Variants in CDK12 observed in about 807,000 individuals in gnomAD.
The protein encoded by CDK12 is cyclin-dependent kinase 12.
A neutral mutation model predicts 133.8 loss-of-function variants in CDK12; 17 were observed. The ratio of observed to expected loss-of-function variants is 0.13; its 90% CI spans 0.09 to 0.19. The LOEUF (loss-of-function observed/expected upper bound fraction) is 0.19. CDK12 is among the 10% of genes least tolerant of loss of function. The pLI is 1.00. For synonymous variants in CDK12, 694 were observed against 683.6 expected (o/e 1.02, Z -0.24); for missense variants, 1,508 against 1,818.7 (o/e 0.83, Z 3.11).
intron 3 of CDK12, 66 bp downstream of exon 3, chr17:39,490,799 A>G (rs1046810194): frequency 1.6e-6 from 2 of 1,251,542 alleles, no homozygotes; most frequent in Non-Finnish European, 2.2e-6. Context: ...TAAATCTCTC[A>G]TGTTTCTTCT....
In CDK12 at chr17:39,517,572, A is replaced by G. The variant is rs1303162475; in HGVS notation, c.2963+16A>G. ...AATTCTCTTTGTGAGTTTGGGGAAA[A>G]TGAACATCTCGTTTCTGTGTCTGGC... On this transcript the variant is annotated intron_variant, in intron 10 of 13. Coordinates refer to ENST00000447079, the MANE Select transcript of CDK12 (RefSeq NM_016507.4). 6.9e-7 allele frequency: 1 copy of G among 1,446,478 alleles called. No homozygotes were observed. Among genetic ancestry groups the G allele is most frequent in the Non-Finnish European group, 9.7e-7 (1 of 1,027,384 alleles). 89.6% of individuals were successfully genotyped at this position (1,446,478 alleles called of 1,614,324 possible).
chr17:39,566,644 A>C (rs1226296941), downstream of CDK12, among the ~76,000 whole-genome samples: 1 of 152,116 alleles, frequency 6.6e-6, no homozygotes, highest in Admixed American at 6.5e-5. Flanking sequence ...TCTGCGATGG[A>C]AAAAGCTCTG....
chr17:39,482,599 A>ATTTTTTTTTTCTT (rs2050802116), intron 2 of CDK12, among the ~76,000 whole-genome samples: 1 of 74,392 alleles, frequency 1.3e-5, no homozygotes, highest in African/African-American at 4.3e-5. Flanking sequence ...AATCAACTAC[A>ATTTTTTTTTTCTT]TTTTTTTTTT....
At position 39,551,512 on chromosome 17, in the gene CDK12, A is replaced by G. The variant is rs150849037; in HGVS notation, n.356+370A>G. Among the ~76,000 whole-genome samples, 5 of 152,208 alleles carry G rather than the reference A, an allele frequency of 3.3e-5. No individual in the cohort carries two copies. The East Asian group carries it at 5.8e-4, about 18-fold the overall frequency. ...GCTTTTTTTTTTGAAATCTTACCAC[A>G]TATTTCCCTGCTGCAATATAATAAG... On this transcript the variant is annotated intron_variant and non_coding_transcript_variant, in intron 2 of 3. Transcript: ENST00000558240.
chr17:39,463,493 A>G (rs936637672), intron 1 of CDK12, among the ~76,000 whole-genome samples: 7 of 151,954 alleles, frequency 4.6e-5, no homozygotes, highest in Non-Finnish European at 1.0e-4. Context: ...TGTGCTTTAG[A>G]CTCTATGGGA....
At chr17:39,565,840 G>A (rs1233777634), downstream of CDK12, among the ~76,000 whole-genome samples, 1 of 152,184 alleles carries the variant, frequency 6.6e-6, no homozygotes, top group Non-Finnish European at 1.5e-5. Flanking sequence ...GTCCCCCAAG[G>A]TCTGGGTACT....
At chr17:39,512,163 C>T (rs1283978006) in intron 8 of CDK12, among the ~76,000 whole-genome samples, 4 of 152,048 alleles carry the variant, frequency 2.6e-5, no homozygotes, top group Non-Finnish European at 5.9e-5. Context: ...GATCATAGCA[C>T]GCTATATCCT....
intron 2 of CDK12, among the ~76,000 whole-genome samples, chr17:39,485,154 G>A (rs1278343404): frequency 6.7e-5 from 10 of 148,660 alleles, no homozygotes; most frequent in Non-Finnish European, 1.2e-4. Flanking sequence ...TGGGCGACAG[G>A]GCGAGACTCT....
downstream of CDK12, among the ~76,000 whole-genome samples, chr17:39,566,586 C>G (rs1168954697): frequency 6.6e-6 from 1 of 152,214 alleles, no homozygotes; most frequent in African/African-American, 2.4e-5. Context: ...TACCCCCCTT[C>G]TCTGCACCTC....
At chr17:39,464,909 A>G (rs1435092317) in intron 1 of CDK12, among the ~76,000 whole-genome samples, 1 of 151,306 alleles carries the variant, frequency 6.6e-6, no homozygotes. Flanking sequence ...CTGTGATCAC[A>G]CCACTGCACT....
rs1473839774 is a variant in CDK12 at position 39,470,958 on chromosome 17, A to G, written c.1126A>G (p.Ser376Gly). 1.9e-6 allele frequency: 3 copies of G among 1,613,904 alleles called. No homozygotes were observed. The highest frequency in any genetic ancestry group is 2.2e-5 in the South Asian group (2 of 91,082). ...TTCTCATAGTAAAAAGAAGAGATCCAGTTCACGCAGTCGTCATTCCAGTAT... is the reference window on the plus strand; with the variant it reads ...TTCTCATAGTAAAAAGAAGAGATCCGGTTCACGCAGTCGTCATTCCAGTAT... The part of the protein sequence containing the change: ...SSSHSKKKRS[S>G]SRSRHSSISP... Residue 376 changes from serine (S) to glycine (G), a missense_variant, in exon 2 of 14, where the codon AGT (serine) becomes GGT (glycine). Coordinates refer to ENST00000447079, the MANE Select transcript of CDK12 (RefSeq NM_016507.4).
intron 3 of CDK12, among the ~76,000 whole-genome samples, chr17:39,492,128 G>C (rs1383048697): frequency 2.7e-4 from 37 of 136,854 alleles, no homozygotes; most frequent in African/African-American, 1.0e-3. Flanking sequence ...TCGGAGTCTC[G>C]CTCTGCTGCC....
chr17:39,552,938 A>G (rs1299659307), intron 2 of CDK12, among the ~76,000 whole-genome samples: 1 of 152,164 alleles, frequency 6.6e-6, no homozygotes, highest in Non-Finnish European at 1.5e-5. Flanking sequence ...CATGTTGGCC[A>G]GGCTGGTCTC....
chr17:39,476,530 C>G (rs2050204733), intron 2 of CDK12, among the ~76,000 whole-genome samples: 1 of 151,666 alleles, frequency 6.6e-6, no homozygotes, highest in Admixed American at 6.6e-5. Context: ...TCTCCTGCCT[C>G]AGCCTCCCAA....
chr17:39,506,083 T>C (rs1172051146), intron 6 of CDK12, among the ~76,000 whole-genome samples: 1 of 152,092 alleles, frequency 6.6e-6, no homozygotes, highest in Non-Finnish European at 1.5e-5. Context: ...CAGAGGTCTG[T>C]AATGACAGCC....
downstream of CDK12, among the ~76,000 whole-genome samples, chr17:39,537,851 C>T (rs1035488630): frequency 2.0e-5 from 3 of 151,998 alleles, no homozygotes; most frequent in Non-Finnish European, 2.9e-5. Flanking sequence ...AGTGAGCCAC[C>T]GCGCCCAGCT....
intron 2 of CDK12, among the ~76,000 whole-genome samples, chr17:39,555,069 C>A (rs1220976779): frequency 6.6e-6 from 1 of 151,578 alleles, no homozygotes; most frequent in East Asian, 2.0e-4. Context: ...TATGGTGAAA[C>A]CCTGTCTCTA....
intron 1 of CDK12, among the ~76,000 whole-genome samples, chr17:39,464,623 G>C (rs1257750207): frequency 6.6e-6 from 1 of 151,818 alleles, no homozygotes; most frequent in Non-Finnish European, 1.5e-5. Flanking sequence ...AGTGTTCCTA[G>C]CTGTCAAGGG....
intron 3 of CDK12, among the ~76,000 whole-genome samples, chr17:39,561,406 A>G (rs563745921): frequency 6.6e-6 from 1 of 152,194 alleles, no homozygotes; most frequent in African/African-American, 2.4e-5. Context: ...CGTGGTAGAG[A>G]GGGCATGAGC....
Sources: gnomAD v4.1 joint callset for allele counts (sites outside exome capture counted in the v4.1 genomes callset) on GRCh38, gnomAD v4.1.1 for gene constraint, MANE v1.5 for transcripts, NCBI Gene and HGNC (gene_info 2026-07-23, HGNC 2026-07-21) for gene names.